Variants in TRAP1 observed in about 807,000 individuals in gnomAD.
The protein encoded by TRAP1 is heat shock protein 75 kDa, mitochondrial.
In TRAP1, 102 loss-of-function variants were observed where a neutral mutation model predicts 89.1. The observed-to-expected ratio is 1.15, with a 90% confidence interval of 0.98 to 1.35. TRAP1 has a LOEUF of 1.35. Ranked by LOEUF, TRAP1 falls within the 40% of genes most tolerant of loss-of-function variation. The pLI, the probability that TRAP1 is intolerant of heterozygous loss-of-function variation, is 0.00. For missense variants in TRAP1, 1,256 were observed against 945.3 expected, an observed-to-expected ratio of 1.33 and a Z score of -4.31; for synonymous variants, 508 against 388.0, an observed-to-expected ratio of 1.31 and a Z score of -3.64.
intron 13 of TRAP1, chr16:3,664,029 C>G: frequency 2.2e-6 from 1 of 463,044 alleles, no homozygotes; most frequent in Non-Finnish European, 3.8e-6. Context: ...CACCACTGCA[C>G]TCTAGCCTGG....
At chr16:3,710,202 C>T (rs562817282) in intron 1 of TRAP1, among the ~76,000 whole-genome samples, 84 of 152,294 alleles carry the variant, frequency 5.5e-4, no homozygotes, top group African/African-American at 1.9e-3. Context: ...GGGCCTGAAG[C>T]CCTCACCCTG....
chr16:3,678,729 G>C (rs991746094), intron 5 of TRAP1, among the ~76,000 whole-genome samples: 10 of 152,168 alleles, frequency 6.6e-5, no homozygotes, highest in Non-Finnish European at 1.5e-4. Context: ...CCAAAGTACT[G>C]GGGTTACAGG....
chr16:3,707,558 G>C (rs1454226650), intron 1 of TRAP1, among the ~76,000 whole-genome samples: 1 of 151,566 alleles, frequency 6.6e-6, no homozygotes, highest in Non-Finnish European at 1.5e-5. Context: ...AAAAATTTAA[G>C]TCAAAAGACA....
rs1473842958 is a variant in TRAP1, at chr16:3,715,823, G to T, written c.88+1598C>A. On this transcript the variant is annotated intron_variant, in intron 1 of 17. Transcript: ENST00000246957. ...AATAAATAATTGATCAGACACTGGT[G>T]CTAGAAGAGAGCAACAGCATCACTT... Among the ~76,000 whole-genome samples, 3 of 152,224 alleles carry T rather than the reference G, an allele frequency of 2.0e-5. No homozygotes were observed. In the East Asian group the frequency reaches 5.8e-4, roughly 29 times the overall value.
chr16:3,695,236 C>T (rs897480635), intron 1 of TRAP1, among the ~76,000 whole-genome samples: 5 of 152,154 alleles, frequency 3.3e-5, no homozygotes, highest in African/African-American at 1.2e-4. Flanking sequence ...CAATTCAACC[C>T]CCAACCAGCA....
intron 14 of TRAP1, 61 bp downstream of exon 14, chr16:3,663,363 G>A (rs1172087414): frequency 6.9e-6 from 11 of 1,603,508 alleles, no homozygotes; most frequent in Non-Finnish European, 8.5e-6. Context: ...TCGCTGCGGG[G>A]CAGGAGAGGC....
intron 17 of TRAP1, 165 bp downstream of exon 17, chr16:3,658,628 G>A (rs997820366): frequency 5.7e-5 from 38 of 665,202 alleles, no homozygotes; most frequent in East Asian, 1.1e-4. Flanking sequence ...AGCCAAGATC[G>A]CGCCACTGCA....
intron 1 of TRAP1, among the ~76,000 whole-genome samples, chr16:3,691,919 G>C (rs1040809633): frequency 6.6e-6 from 1 of 152,120 alleles, no homozygotes; most frequent in African/African-American, 2.4e-5. Context: ...GCCCAGCGAG[G>C]GAGGAAAGCA....
intron 12 of TRAP1, chr16:3,664,735 A>AC: frequency 2.5e-6 from 1 of 399,448 alleles, no homozygotes; most frequent in Non-Finnish European, 4.5e-6. Flanking sequence ...CTGGGAGGGG[A>AC]CCCCACCCAA....
At chr16:3,714,957 TTC>T (rs1297225722) in intron 1 of TRAP1, among the ~76,000 whole-genome samples, 1 of 152,224 alleles carries the variant, frequency 6.6e-6, no homozygotes, top group Non-Finnish European at 1.5e-5. Flanking sequence ...CTTAGCTAAA[TTC>T]TCTCATCGTT....
intron 1 of TRAP1, among the ~76,000 whole-genome samples, chr16:3,711,504 C>A (rs1411000354): frequency 6.6e-6 from 1 of 151,882 alleles, no homozygotes; most frequent in Non-Finnish European, 1.5e-5. Flanking sequence ...GAGGCTGAGG[C>A]AGGAGAACTG....
chr16:3,673,769 G>A (rs756051842), intron 9 of TRAP1, among the ~76,000 whole-genome samples: 5 of 152,174 alleles, frequency 3.3e-5, no homozygotes, highest in East Asian at 3.9e-4. Context: ...TCTCAGCCCC[G>A]AATAGGTCTC....
chr16:3,709,947 G>A (rs1337015494), intron 1 of TRAP1, among the ~76,000 whole-genome samples: 1 of 152,212 alleles, frequency 6.6e-6, no homozygotes, highest in Non-Finnish European at 1.5e-5. Flanking sequence ...ACCGCGCCTG[G>A]CGAGAAGATT....
intron 1 of TRAP1, among the ~76,000 whole-genome samples, chr16:3,699,665 A>G (rs983549139): frequency 2.8e-4 from 41 of 145,838 alleles, no homozygotes; most frequent in Non-Finnish European, 5.1e-4. Context: ...TTATTCATGT[A>G]TTTACTATTT....
intron 9 of TRAP1, among the ~76,000 whole-genome samples, chr16:3,673,555 G>A (rs1276850499): frequency 6.6e-6 from 1 of 151,140 alleles, no homozygotes; most frequent in Non-Finnish European, 1.5e-5. Flanking sequence ...TGGTTAAAAT[G>A]GGGGGGATCC....
intron 12 of TRAP1, chr16:3,665,008 GA>G (rs2050796671): frequency 6.5e-6 from 1 of 154,240 alleles, no homozygotes; most frequent in Non-Finnish European, 1.4e-5. Context: ...GACGCAGGGG[GA>G]AAACAGAAAG....
At position 3,686,514 on chromosome 16, in the gene TRAP1, G is replaced by A. The variant is rs920314434; in HGVS notation, c.331-378C>T. On this transcript the variant is annotated intron_variant, in intron 3 of 17. Coordinates refer to ENST00000246957, the MANE Select transcript of TRAP1 (RefSeq NM_016292.3). Reference sequence around the variant, plus strand: ...AAAATTTTTATAGACACAGGGTCTCGCTATGTTGCCCAGGCTGGTCTTGAT... The same window carrying A: ...AAAATTTTTATAGACACAGGGTCTCACTATGTTGCCCAGGCTGGTCTTGAT... Among the ~76,000 whole-genome samples, 7 of 152,256 alleles carry A rather than the reference G, an allele frequency of 4.6e-5. No individual in the cohort carries two copies. In the East Asian group the frequency reaches 1.2e-3, roughly 25 times the overall value.
intron 1 of TRAP1, among the ~76,000 whole-genome samples, chr16:3,706,456 CTTTTTTT>C (rs34658116): frequency 8.1e-5 from 8 of 98,968 alleles, no homozygotes; most frequent in Non-Finnish European, 1.4e-4. Flanking sequence ...TATTTGCACT[CTTTTTTT>C]TTTTTTTTTT....
chr16:3,692,756 A>G lies in TRAP1; in HGVS notation c.89-1771T>C, dbSNP rs572002290. On this transcript the variant is annotated intron_variant, in intron 1 of 17. Transcript: ENST00000246957. ...TGGGTTTACAGGCGCCTGCCACCAC[A>G]CCCAGCTAATTTTTGTAGTTTTAGT... is the stretch of plus-strand genomic sequence containing the variant. 1.2e-4 allele frequency among the ~76,000 whole-genome samples: 18 copies of G among 148,446 alleles called. No individual in the cohort carries two copies. The South Asian group carries it at 3.7e-3, about 30-fold the overall frequency.
Sources: allele counts gnomAD v4.1 joint callset (sites outside exome capture counted in the v4.1 genomes callset), GRCh38; gene constraint gnomAD v4.1.1; transcripts MANE v1.5; gene names NCBI Gene and HGNC (gene_info 2026-07-23, HGNC 2026-07-21).